Variants in WDR70 observed in about 807,000 individuals in gnomAD.
WDR70 encodes WD repeat domain 70.
WDR70 carries 53 observed loss-of-function variants against 88.6 expected under a neutral mutation model. That is an observed-to-expected ratio of 0.60 (90% CI 0.48 to 0.75). The LOEUF is 0.75. Ranked by LOEUF, WDR70 falls within the 30% of genes least tolerant of loss-of-function variation. The pLI is 0.00. For synonymous variants in WDR70, 280 were observed against 270.0 expected, an observed-to-expected ratio of 1.04 and a Z score of -0.36; for missense variants, 610 against 823.2, an observed-to-expected ratio of 0.74 and a Z score of 3.17.
intron 3 of WDR70, among the ~76,000 whole-genome samples, chr5:37,385,414 G>A (rs993561041): frequency 1.3e-5 from 2 of 151,438 alleles, no homozygotes; most frequent in African/African-American, 2.4e-5. Flanking sequence ...CAACTACTTG[G>A]GAGGCTGAGG....
At chr5:37,568,848 A>T (rs1742818695) in intron 9 of WDR70, among the ~76,000 whole-genome samples, 1 of 152,270 alleles carries the variant, frequency 6.6e-6, no homozygotes, top group African/African-American at 2.4e-5. Flanking sequence ...CTGGCCTTAT[A>T]ACTTGCTTTG....
intron 10 of WDR70, among the ~76,000 whole-genome samples, chr5:37,688,590 T>C (rs2112631472): frequency 6.6e-6 from 1 of 152,044 alleles, no homozygotes; most frequent in Middle Eastern, 3.4e-3. Context: ...TGATGGGATA[T>C]AAGGAAGTGG....
chr5:37,486,344 T>C (rs71619869), intron 8 of WDR70, among the ~76,000 whole-genome samples: 8,616 of 104,862 alleles, frequency 0.082, 331 homozygotes, highest in Non-Finnish European at 0.14. Flanking sequence ...AATTCAAATA[T>C]AATTTTTTTT....
chr5:37,539,222 A>G (rs187161968), intron 9 of WDR70, among the ~76,000 whole-genome samples: 2 of 152,162 alleles, frequency 1.3e-5, no homozygotes, highest in East Asian at 1.9e-4. Context: ...TTTTCCCACT[A>G]CTATTCTTGT....
chr5:37,586,096 G>A (rs1743356238), intron 9 of WDR70, among the ~76,000 whole-genome samples: 1 of 152,056 alleles, frequency 6.6e-6, no homozygotes, highest in Non-Finnish European at 1.5e-5. Flanking sequence ...ATATCATTTA[G>A]GAGCCAAATC....
At chr5:37,464,787 C>T (rs987650257) in intron 7 of WDR70, among the ~76,000 whole-genome samples, 13 of 152,206 alleles carry the variant, frequency 8.5e-5, no homozygotes, top group Admixed American at 8.5e-4. Flanking sequence ...GACAGTGGAG[C>T]AAACTGCACG....
intron 13 of WDR70, among the ~76,000 whole-genome samples, chr5:37,713,802 C>T (rs1002320474): frequency 2.0e-5 from 3 of 152,220 alleles, no homozygotes; most frequent in Admixed American, 1.3e-4. Flanking sequence ...TCACATCCCA[C>T]TGATGGACCA....
chr5:37,638,770 T>C (rs1190294061), intron 10 of WDR70, among the ~76,000 whole-genome samples: 2 of 152,190 alleles, frequency 1.3e-5, no homozygotes, highest in Non-Finnish European at 2.9e-5. Flanking sequence ...TTATTGACAG[T>C]TACTGGGATC....
At chr5:37,557,959 T>TTTTAAA in intron 9 of WDR70, among the ~76,000 whole-genome samples, 4 of 146,476 alleles carry the variant, frequency 2.7e-5, no homozygotes, top group East Asian at 2.0e-4. Context: ...AAAAGAGTAT[T>TTTTAAA]ATGTATATTT....
At chr5:37,587,110 C>T (rs1026987817) in intron 9 of WDR70, among the ~76,000 whole-genome samples, 2 of 152,072 alleles carry the variant, frequency 1.3e-5, no homozygotes, top group Non-Finnish European at 2.9e-5. Context: ...ACAGACTTGT[C>T]CCCTCTGGTC....
intron 10 of WDR70, among the ~76,000 whole-genome samples, chr5:37,677,909 G>T (rs1268413861): frequency 1.3e-5 from 2 of 152,136 alleles, no homozygotes; most frequent in Non-Finnish European, 2.9e-5. Context: ...TATGAATCTG[G>T]GTGCTCCTGT....
intron 8 of WDR70, among the ~76,000 whole-genome samples, chr5:37,486,492 C>G (rs1041785493): frequency 1.1e-5 from 1 of 89,690 alleles, no homozygotes; most frequent in Non-Finnish European, 2.9e-5. Context: ...TACAGGCGCC[C>G]GACACCCACG....
intron 10 of WDR70, among the ~76,000 whole-genome samples, chr5:37,692,281 C>T (rs1746820909): frequency 6.6e-6 from 1 of 152,078 alleles, no homozygotes; most frequent in African/African-American, 2.4e-5. Context: ...TGAATTTTAC[C>T]AGAGATACAA....
intron 10 of WDR70, among the ~76,000 whole-genome samples, chr5:37,620,958 A>G (rs1378789048): frequency 1.3e-5 from 2 of 152,082 alleles, no homozygotes; most frequent in Admixed American, 6.6e-5. Flanking sequence ...GAGATTTAGA[A>G]CAGGAAGCAG....
chr5:37,519,982 T>C (rs952899957), intron 9 of WDR70, among the ~76,000 whole-genome samples: 2 of 152,204 alleles, frequency 1.3e-5, no homozygotes, highest in African/African-American at 2.4e-5. Flanking sequence ...CATCCATGAC[T>C]CAAGAATATT....
chr5:37,570,525 T>C (rs1051470945), intron 9 of WDR70, among the ~76,000 whole-genome samples: 1 of 151,964 alleles, frequency 6.6e-6, no homozygotes, highest in Non-Finnish European at 1.5e-5. Context: ...CTTTTCACTT[T>C]TGAGAAAAGG....
intron 13 of WDR70, among the ~76,000 whole-genome samples, chr5:37,715,913 AACAC>A (rs541280848): frequency 4.0e-5 from 6 of 151,658 alleles, no homozygotes; most frequent in African/African-American, 1.2e-4. Context: ...TGCACACACA[AACAC>A]ACACACACGC....
intron 10 of WDR70, among the ~76,000 whole-genome samples, chr5:37,647,101 C>T (rs1019149339): frequency 6.6e-6 from 1 of 152,116 alleles, no homozygotes; most frequent in African/African-American, 2.4e-5. Context: ...AATAGCCTGT[C>T]TTCAAGCTCA....
chr5:37,655,539 T>G (rs1277435354), intron 10 of WDR70, among the ~76,000 whole-genome samples: 2 of 152,128 alleles, frequency 1.3e-5, no homozygotes, highest in African/African-American at 4.8e-5. Flanking sequence ...GTCTTCCAAT[T>G]TGGTTCCATT....
Sources: allele counts gnomAD v4.1 joint callset (sites outside exome capture counted in the v4.1 genomes callset), GRCh38; gene constraint gnomAD v4.1.1; transcripts MANE v1.5; gene names NCBI Gene and HGNC (gene_info 2026-07-23, HGNC 2026-07-21).